Variants in BABAM2 observed in about 807,000 individuals in gnomAD.
BABAM2 encodes BRISC and BRCA1-A complex member 2.
In BABAM2, 31 loss-of-function variants were observed where a neutral mutation model predicts 54.7. The observed-to-expected ratio is 0.57, with a 90% CI of 0.43 to 0.77. BABAM2 has a LOEUF of 0.77. Among genes scored for constraint, BABAM2 ranks in the 30% least tolerant of loss-of-function variants. The probability of loss-of-function intolerance (pLI) is 0.00; values close to 1 mark genes in which losing one functional copy is unlikely to be tolerated. For missense variants in BABAM2, 364 were observed against 455.8 expected (o/e 0.80, Z 1.83); for synonymous variants, 167 against 162.9 (o/e 1.03, Z -0.19).
At chr2:28,022,961 A>G (rs960077349) in intron 4 of BABAM2, among the ~76,000 whole-genome samples, 10 of 152,254 alleles carry the variant, frequency 6.6e-5, no homozygotes, top group Admixed American at 3.9e-4. Context: ...CAAACCACAA[A>G]TTACCTAACA....
At chr2:28,065,017 A>G (rs1014041167) in intron 6 of BABAM2, among the ~76,000 whole-genome samples, 1 of 151,888 alleles carries the variant, frequency 6.6e-6, no homozygotes, top group African/African-American at 2.4e-5. Context: ...AAAAAAAAAA[A>G]AGAACCATTT....
intron 7 of BABAM2, among the ~76,000 whole-genome samples, chr2:28,220,360 A>G (rs1393261077): frequency 6.6e-6 from 1 of 152,218 alleles, no homozygotes; most frequent in Non-Finnish European, 1.5e-5. Context: ...GAAGCTCTTA[A>G]TATAATGCCT....
At chr2:27,924,634 T>A (rs537156961) in intron 2 of BABAM2, among the ~76,000 whole-genome samples, 5 of 152,326 alleles carry the variant, frequency 3.3e-5, no homozygotes, top group African/African-American at 1.2e-4. Context: ...TCTGCCTGCC[T>A]CAGCCTCCCA....
intron 2 of BABAM2, among the ~76,000 whole-genome samples, chr2:27,903,873 T>C (rs533366089): frequency 7.0e-4 from 106 of 152,330 alleles, no homozygotes; most frequent in African/African-American, 2.5e-3. Context: ...TTTAATTCCT[T>C]ATTAAGTCAA....
intron 2 of BABAM2, among the ~76,000 whole-genome samples, chr2:27,910,243 T>A (rs945621747): frequency 6.6e-6 from 1 of 152,194 alleles, no homozygotes; most frequent in Non-Finnish European, 1.5e-5. Context: ...AGTATAAAAC[T>A]GTGGATCTGA....
At chr2:28,080,276 A>T (rs1665048246) in intron 6 of BABAM2, among the ~76,000 whole-genome samples, 1 of 152,188 alleles carries the variant, frequency 6.6e-6, no homozygotes, top group Non-Finnish European at 1.5e-5. Flanking sequence ...CAGCCTTAAA[A>T]TTCTGTGATA....
rs1002779701 is a variant in BABAM2 at position 28,316,775 on chromosome 2, G to A, written c.1088+18284G>A. On this transcript the variant is annotated intron_variant, in intron 11 of 11. Coordinates refer to ENST00000379624, the MANE Select transcript of BABAM2 (RefSeq NM_199191.3). ...AGTGACTTGACACAGCCACCCACAC[G>A]TGATGGGAACAGATTCAGTGCACTG... Among the ~76,000 whole-genome samples, 18 of 152,316 alleles carry A rather than the reference G, an allele frequency of 1.2e-4. 1 individual carries two copies. Among genetic ancestry groups the A allele is most frequent in the South Asian group, 4.1e-4 (2 of 4,824 alleles).
At chr2:28,066,323 A>G (rs1382061676) in intron 6 of BABAM2, among the ~76,000 whole-genome samples, 2 of 152,108 alleles carry the variant, frequency 1.3e-5, no homozygotes, top group Non-Finnish European at 2.9e-5. Flanking sequence ...CTTATTAGTC[A>G]TATCAGTAAT....
chr2:28,058,210 A>G (rs80320359), intron 6 of BABAM2, among the ~76,000 whole-genome samples: 1,696 of 152,252 alleles, frequency 0.011, 26 homozygotes, highest in African/African-American at 0.039. Context: ...CACAGTTGGA[A>G]AACAGTTGAA....
chr2:28,201,143 C>A (rs1678228358), intron 7 of BABAM2, among the ~76,000 whole-genome samples: 1 of 151,810 alleles, frequency 6.6e-6, no homozygotes, highest in East Asian at 1.9e-4. Flanking sequence ...GTCCTGTGTT[C>A]CATTTTTTAA....
intron 2 of BABAM2, among the ~76,000 whole-genome samples, chr2:27,915,827 T>G (rs1330562529): frequency 6.6e-6 from 1 of 152,198 alleles, no homozygotes; most frequent in Non-Finnish European, 1.5e-5. Flanking sequence ...GTCATCAGTT[T>G]CCTACTACAA....
At chr2:28,307,222 G>T (rs1688636393) in intron 11 of BABAM2, among the ~76,000 whole-genome samples, 1 of 145,976 alleles carries the variant, frequency 6.9e-6, no homozygotes, top group Non-Finnish European at 1.5e-5. Context: ...GGCCAGGCTG[G>T]TCTCAAACTC....
intron 8 of BABAM2, among the ~76,000 whole-genome samples, chr2:28,240,100 T>C (rs1307516634): frequency 6.6e-6 from 1 of 151,842 alleles, no homozygotes; most frequent in Non-Finnish European, 1.5e-5. Context: ...ACAATTTGTT[T>C]TCTTTTTTCT....
intron 3 of BABAM2, among the ~76,000 whole-genome samples, chr2:27,970,446 A>G (rs151032855): frequency 1.8e-4 from 27 of 152,324 alleles, no homozygotes; most frequent in African/African-American, 5.8e-4. Flanking sequence ...GTCTCTCTCT[A>G]CTCACATGTA....
intron 5 of BABAM2, 188 bp downstream of exon 5, chr2:28,025,608 T>C (rs186262510): frequency 1.1e-5 from 6 of 539,816 alleles, no homozygotes; most frequent in Admixed American, 4.0e-5. Context: ...CTCAAAGATA[T>C]TACCTGGGAA....
At chr2:28,036,691 C>T (rs907531658) in intron 5 of BABAM2, among the ~76,000 whole-genome samples, 3 of 152,128 alleles carry the variant, frequency 2.0e-5, no homozygotes, top group Non-Finnish European at 4.4e-5. Context: ...GAACTGAGGC[C>T]ATGCTATGTT....
At chr2:28,243,882 A>C (rs1419409724) in intron 9 of BABAM2, among the ~76,000 whole-genome samples, 1 of 152,164 alleles carries the variant, frequency 6.6e-6, no homozygotes, top group African/African-American at 2.4e-5. Context: ...CATCAATATC[A>C]GTGGTCTGAT....
intron 10 of BABAM2, among the ~76,000 whole-genome samples, chr2:28,251,050 A>G (rs1683433497): frequency 6.6e-6 from 1 of 152,230 alleles, no homozygotes; most frequent in Non-Finnish European, 1.5e-5. Flanking sequence ...TATTCAGTCT[A>G]ATGAATGATA....
intron 7 of BABAM2, among the ~76,000 whole-genome samples, chr2:28,201,561 G>T (rs1444775722): frequency 1.3e-5 from 2 of 152,044 alleles, no homozygotes; most frequent in Non-Finnish European, 2.9e-5. Flanking sequence ...TTTGTTTGTG[G>T]CCTTAGTTGT....
Sources: allele counts gnomAD v4.1 joint callset (sites outside exome capture counted in the v4.1 genomes callset), GRCh38; gene constraint gnomAD v4.1.1; transcripts MANE v1.5; gene names NCBI Gene and HGNC (gene_info 2026-07-23, HGNC 2026-07-21).